DLG2: variants seen among roughly 807,000 people sequenced by gnomAD.
The protein encoded by DLG2 is disks large homolog 2.
DLG2 carries 45 observed loss-of-function variants against 132.5 expected under a neutral mutation model. That is an observed-to-expected ratio of 0.34 (90% confidence interval 0.27 to 0.44). DLG2 has a LOEUF of 0.44. Ranked by LOEUF, DLG2 falls within the 20% of genes least tolerant of loss-of-function variation. DLG2 has a pLI of 1.00. For missense variants in DLG2, 1,045 were observed against 1,196.9 expected, an observed-to-expected ratio of 0.87 and a Z score of 1.87; for synonymous variants, 424 against 419.6, an observed-to-expected ratio of 1.01 and a Z score of -0.13.
Position 85,588,715 on chromosome 11 carries a change from G to A in DLG2, c.40+9942C>T, listed in dbSNP as rs115774864. Among the ~76,000 whole-genome samples the A allele has an allele frequency of 5.2e-3, 790 of 151,990 alleles. 5 individuals are homozygous for A. The highest frequency in any genetic ancestry group is 0.018 in the African/African-American group (731 of 41,426). ...TTTTTTTTATTGGTTTGAATCAATT[G>A]CTATGAAGCTAGTGTGGTCTCTTAG... is the stretch of plus-strand genomic sequence containing the variant. On this transcript the variant is annotated intron_variant, in intron 3 of 27. Transcript: ENST00000376104.
At chr11:84,170,048 C>T (rs181919210) in intron 8 of DLG2, among the ~76,000 whole-genome samples, 3 of 152,260 alleles carry the variant, frequency 2.0e-5, no homozygotes, top group East Asian at 1.9e-4. Flanking sequence ...CATGAGAGCA[C>T]AGGTTGTATA....
rs374800009 is a variant in DLG2 at position 85,583,251 on chromosome 11, A to T, written c.40+15406T>A. 3.7e-4 allele frequency among the ~76,000 whole-genome samples: 55 copies of T among 146,910 alleles called. No individual in the cohort carries two copies. In the Middle Eastern group the frequency reaches 0.011, roughly 29 times the overall value. On this transcript the variant is annotated intron_variant, in intron 3 of 27. Coordinates refer to ENST00000376104, the MANE Select transcript of DLG2 (RefSeq NM_001142699.3). ...TGTGATCAGAGCTCACTGCAGCCTC[A>T]ACCTCCCAAGCTCAAGGAATCCTCC...
At chr11:83,781,092 A>G (rs564077295) in intron 18 of DLG2, among the ~76,000 whole-genome samples, 1 of 152,362 alleles carries the variant, frequency 6.6e-6, no homozygotes, top group South Asian at 2.1e-4. Context: ...TCTGTAGACA[A>G]CATTTAGTAG....
intron 5 of DLG2, among the ~76,000 whole-genome samples, chr11:85,137,485 TCC>T (rs2076205640): frequency 6.6e-6 from 1 of 152,072 alleles, no homozygotes; most frequent in Admixed American, 6.6e-5. Flanking sequence ...ATCGTTTCTG[TCC>T]CTCTGGGTCC....
chr11:83,830,913 T>G (rs886478974), intron 17 of DLG2, among the ~76,000 whole-genome samples: 1 of 152,174 alleles, frequency 6.6e-6, no homozygotes, highest in Non-Finnish European at 1.5e-5. Context: ...TGAATGCTGA[T>G]TGTAATGAAA....
intron 7 of DLG2, among the ~76,000 whole-genome samples, chr11:84,390,149 A>G (rs1224492601): frequency 6.6e-6 from 1 of 152,190 alleles, no homozygotes; most frequent in Middle Eastern, 3.2e-3. Flanking sequence ...ACTTTTCTAC[A>G]GCCTTTACAT....
In DLG2 at chr11:85,476,735, A is replaced by G. The variant is rs573767598; in HGVS notation, c.40+121922T>C. The stretch of plus-strand genomic sequence containing the variant: ...TCTGCCACCTGCACATCTTGTCCCA[A>G]TTAAAGCTCTTCAGGGACAATAACA... On this transcript the variant is annotated intron_variant, in intron 3 of 27. Coordinates refer to ENST00000376104, the MANE Select transcript of DLG2 (RefSeq NM_001142699.3). Among the ~76,000 whole-genome samples the G allele has an allele frequency of 3.8e-4, 58 of 151,954 alleles. No homozygotes were observed. In the South Asian group the frequency reaches 5.6e-3, roughly 15 times the overall value.
intron 6 of DLG2, among the ~76,000 whole-genome samples, chr11:84,548,771 G>A (rs1168290923): frequency 6.6e-6 from 1 of 152,126 alleles, no homozygotes; most frequent in South Asian, 2.1e-4. Flanking sequence ...TCTTACACGA[G>A]CCCATCTAAA....
chr11:85,300,484 A>C (rs1347918539), intron 3 of DLG2, among the ~76,000 whole-genome samples: 1 of 152,132 alleles, frequency 6.6e-6, no homozygotes. Context: ...TAAAATTAGA[A>C]AGAAGCAGGA....
chr11:84,945,777 A>G (rs2050119308), intron 6 of DLG2, among the ~76,000 whole-genome samples: 1 of 152,064 alleles, frequency 6.6e-6, no homozygotes, highest in Non-Finnish European at 1.5e-5. Context: ...ATCACTAGGT[A>G]ATGTGCATCC....
At chr11:85,456,151 G>A (rs1488616897) in intron 3 of DLG2, among the ~76,000 whole-genome samples, 1 of 152,018 alleles carries the variant, frequency 6.6e-6, no homozygotes, top group Non-Finnish European at 1.5e-5. Flanking sequence ...TTCAATTTTG[G>A]AATTCACTAT....
intron 8 of DLG2, among the ~76,000 whole-genome samples, chr11:84,245,998 C>A (rs921850296): frequency 1.1e-4 from 16 of 152,188 alleles, no homozygotes; most frequent in African/African-American, 3.9e-4. Context: ...GTGTCACGGG[C>A]TTGATTTCTT....
intron 8 of DLG2, among the ~76,000 whole-genome samples, chr11:84,203,144 T>C (rs1344661216): frequency 6.6e-6 from 1 of 151,970 alleles, no homozygotes; most frequent in Admixed American, 6.6e-5. Flanking sequence ...AAAAATTCTA[T>C]GATAAAATCA....
intron 7 of DLG2, among the ~76,000 whole-genome samples, chr11:84,353,164 T>C (rs1164967675): frequency 1.3e-5 from 2 of 152,206 alleles, no homozygotes; most frequent in African/African-American, 4.8e-5. Context: ...CTCACTTGCT[T>C]CTCAACTTAC....
intron 7 of DLG2, among the ~76,000 whole-genome samples, chr11:84,448,274 A>G (rs1602308644): frequency 6.6e-6 from 1 of 152,154 alleles, no homozygotes; most frequent in East Asian, 1.9e-4. Context: ...TTTTGGAAGC[A>G]ATAGTCTTAG....
intron 3 of DLG2, among the ~76,000 whole-genome samples, chr11:85,393,629 A>ATGTGTG (rs35765389): frequency 0.013 from 1,914 of 143,776 alleles, 16 homozygotes; most frequent in African/African-American, 0.028. Flanking sequence ...TGGTATGCAT[A>ATGTGTG]TGTGTGTGTG....
At chr11:84,923,069 C>T in intron 6 of DLG2, 1 of 1,613,986 alleles carries the variant, frequency 6.2e-7, no homozygotes, top group South Asian at 1.1e-5. Flanking sequence ...CGGCTCGCCT[C>T]CTCTTACCTT....
At chr11:84,713,804 A>T (rs1166660675) in intron 6 of DLG2, among the ~76,000 whole-genome samples, 1 of 152,140 alleles carries the variant, frequency 6.6e-6, no homozygotes, top group Non-Finnish European at 1.5e-5. Flanking sequence ...ATCCAAAGGA[A>T]ATAATTTTAA....
At chr11:85,127,851 A>G (rs1594630440) in intron 5 of DLG2, among the ~76,000 whole-genome samples, 2 of 152,342 alleles carry the variant, frequency 1.3e-5, no homozygotes, top group Non-Finnish European at 2.9e-5. Context: ...TTACAAAAGG[A>G]CAAGATGCCA....
Sources: allele counts gnomAD v4.1 joint callset (sites outside exome capture counted in the v4.1 genomes callset), GRCh38; gene constraint gnomAD v4.1.1; transcripts MANE v1.5; gene names NCBI Gene and HGNC (gene_info 2026-07-23, HGNC 2026-07-21).